Variants in OGDHL observed in about 807,000 individuals in gnomAD.
OGDHL encodes oxoglutarate dehydrogenase L.
Under a neutral mutation model 109.6 loss-of-function variants are expected in OGDHL, and 79 were observed. The ratio of observed to expected loss-of-function variants is 0.72; its 90% CI spans 0.60 to 0.87. The LOEUF is 0.87. Among genes scored for constraint, OGDHL ranks in the 40% least tolerant of loss-of-function variants. The probability of loss-of-function intolerance (pLI) is 0.00; values close to 1 mark genes in which losing one functional copy is unlikely to be tolerated. For missense variants in OGDHL, 1,275 were observed against 1,362.2 expected (o/e 0.94, Z 1.01); for synonymous variants, 528 against 537.2 (o/e 0.98, Z 0.24).
At chr10:49,741,410 GA>G (rs1841644007) in intron 15 of OGDHL, among the ~76,000 whole-genome samples, 2 of 152,088 alleles carry the variant, frequency 1.3e-5, no homozygotes. Flanking sequence ...GCTGGAGCAA[GA>G]CCAGCCGAGA....
intron 3 of OGDHL, among the ~76,000 whole-genome samples, chr10:49,753,909 A>AT (rs1251487146): frequency 6.6e-6 from 1 of 151,430 alleles, no homozygotes; most frequent in East Asian, 1.9e-4. Flanking sequence ...AAAAAAAAAA[A>AT]AAAGAACTGT....
intron 8 of OGDHL, among the ~76,000 whole-genome samples, chr10:49,748,270 T>C (rs551304262): frequency 1.0e-3 from 153 of 152,310 alleles, no homozygotes; most frequent in African/African-American, 3.6e-3. Context: ...CAGGAAACAA[T>C]GACAACTTGT....
rs1363127112 is a variant in OGDHL at position 49,752,706 on chromosome 10, A to AG, written c.409dup (p.Leu137ProfsTer21). On this transcript the variant is annotated frameshift_variant, in exon 4 of 23. Coordinates refer to ENST00000374103, the MANE Select transcript of OGDHL (RefSeq NM_018245.3). LOFTEE classifies it high-confidence loss of function. The stretch of plus-strand genomic sequence containing the variant: ...GTCCAGGTCTGCATCCAGAATGCCC[A>AG]GGGGGTCCAGCTGGGCCACATGGTG... The AG allele has an allele frequency of 1.2e-6, 2 of 1,614,040 alleles. No homozygotes were observed. The highest frequency in any genetic ancestry group is 1.7e-6 in the Non-Finnish European group (2 of 1,180,004).
intron 13 of OGDHL, 58 bp from the exon 14 acceptor site, chr10:49,744,180 G>A: frequency 6.3e-7 from 1 of 1,589,212 alleles, no homozygotes; most frequent in Non-Finnish European, 8.6e-7. Context: ...GATCCCCCTG[G>A]CCAGCCTGCC....
In OGDHL at chr10:49,745,337, T is replaced by TGCCC; in HGVS notation, c.1629+3_1629+6dup. The TGCCC allele has an allele frequency of 6.2e-7, 1 of 1,613,308 alleles. No individual in the cohort carries two copies. The highest frequency in any genetic ancestry group is 1.3e-5 in the African/African-American group (1 of 75,080). On this transcript the variant is annotated splice_region_variant and intron_variant, in intron 12 of 22. Coordinates refer to ENST00000374103, the MANE Select transcript of OGDHL (RefSeq NM_018245.3). ...GTCTTGGGCGCCCCTGCAGCCTGCC[T>TGCCC]GCCCACCTCAAACTCCTGCAGGGTG...
chr10:49,742,912 G>C lies in OGDHL; in HGVS notation c.1928C>G (p.Ala643Gly), dbSNP rs1841889738. 5 of 1,614,026 alleles carry C rather than the reference G, an allele frequency of 3.1e-6. No homozygotes were observed. The African/African-American group carries it at 6.7e-5, about 22-fold the overall frequency. Residue 643 changes from alanine to glycine, a missense_variant, in exon 15 of 23, where the codon GCA becomes GGA. Ala to Gly is a moderately conservative substitution (Grantham distance 60). Transcript: ENST00000374103. ...CAGGGAGCCAAAGGCCATGTACTCTGCCAACGCCCAGTCCACCGTCCGGTT... is the reference window on the plus strand; with the variant it reads ...CAGGGAGCCAAAGGCCATGTACTCTCCCAACGCCCAGTCCACCGTCCGGTT... Reference protein sequence around the residue: ...TKNRTVDWALAEYMAFGSLLK... With the variant: ...TKNRTVDWALGEYMAFGSLLK...
chr10:49,750,857 A>G lies in OGDHL; in HGVS notation c.878T>C (p.Ile293Thr). The change falls in exon 7 of 23, where the codon ATC (isoleucine) becomes ACC (threonine). Residue 293 changes from isoleucine (I) to threonine (T), a missense_variant. Transcript: ENST00000374103. ...GACCCACCTGTGTGGCATCCCCAAGATGACATTCTCAATCCCCATCTCGCT... is the reference window on the plus strand; with the variant it reads ...GACCCACCTGTGTGGCATCCCCAAGGTGACATTCTCAATCCCCATCTCGCT... Reference protein sequence around the residue: ...KSSEMGIENVILGMPHRGRLN... With the variant: ...KSSEMGIENVTLGMPHRGRLN... 1.2e-6 allele frequency: 2 copies of G among 1,611,400 alleles called. No homozygotes were observed. The highest frequency in any genetic ancestry group is 1.3e-5 in the African/African-American group (1 of 75,014).
In OGDHL at chr10:49,739,845, C is replaced by G. The variant is rs1055683515; in HGVS notation, c.2141-6G>C. On this transcript the variant is annotated splice_region_variant and splice_polypyrimidine_tract_variant and intron_variant, in intron 16 of 22. Coordinates refer to ENST00000374103, the MANE Select transcript of OGDHL (RefSeq NM_018245.3). ...GGCATAGCCCAGCTCAAAGCCTAAA[C>G]AGAAGACAAGATAGAGCTTGCTGCA... The G allele has an allele frequency of 2.5e-6, 4 of 1,610,944 alleles. No individual in the cohort carries two copies. The East Asian group carries it at 8.9e-5, about 36-fold the overall frequency.
intron 11 of OGDHL, 27 bp from the exon 12 acceptor site, chr10:49,745,523 GC>G: frequency 6.2e-7 from 1 of 1,612,540 alleles, no homozygotes; most frequent in Non-Finnish European, 8.5e-7. Flanking sequence ...AGGGGCTCAG[GC>G]CCTTCCCTAC....
intron 7 of OGDHL, among the ~76,000 whole-genome samples, 187 bp from the exon 8 acceptor site, chr10:49,750,003 T>C (rs1008816707): frequency 6.6e-6 from 1 of 152,176 alleles, no homozygotes; most frequent in Non-Finnish European, 1.5e-5. Context: ...AGCCCCATGC[T>C]TTCTTGCTGC....
chr10:49,743,570 G>T (rs12258731), intron 14 of OGDHL: 3,466 of 168,620 alleles, frequency 0.021, 111 homozygotes, highest in African/African-American at 0.067. Context: ...ACCCCGGAGT[G>T]GGGGGGCTGC....
chr10:49,749,782 T>C lies in OGDHL; in HGVS notation c.931A>G (p.Lys311Glu), dbSNP rs763304319. 2 of 1,601,200 alleles carry C rather than the reference T, an allele frequency of 1.2e-6. No individual in the cohort carries two copies. The highest frequency in any genetic ancestry group is 1.7e-6 in the Non-Finnish European group (2 of 1,177,158). The change falls in exon 8 of 23, where the codon AAG becomes GAG. Residue 311 changes from lysine (K) to glutamate (E), a missense_variant. By Grantham distance (56) the Lys-to-Glu change is moderately conservative. Transcript: ENST00000374103. The part of the protein sequence containing the change: ...RLNVLANVIR[K>E]DLEQIFCQFD... ...TGGCAGAAGATCTGCTCCAGGTCCT[T>C]GCGGATCACGTTGGCCAGCACGTTC...
chr10:49,755,652 T>A (rs1401716113), intron 3 of OGDHL, among the ~76,000 whole-genome samples: 1 of 152,108 alleles, frequency 6.6e-6, no homozygotes, highest in Non-Finnish European at 1.5e-5. Context: ...TGGGAGCTCA[T>A]CCACACCAGG....
chr10:49,739,973 T>G, intron 16 of OGDHL, 134 bp from the exon 17 acceptor site: 1 of 843,528 alleles, frequency 1.2e-6, no homozygotes, highest in Non-Finnish European at 1.8e-6. Context: ...AACCCAGGGA[T>G]TCCCTGGGAT....
rs200851604 is a variant in OGDHL, at chr10:49,739,745, G to A, written c.2235C>T (p.Ile745=). Residue 745 remains isoleucine (I), a synonymous_variant, in exon 17 of 23, where the codon ATC becomes ATT. Coordinates refer to ENST00000374103, the MANE Select transcript of OGDHL (RefSeq NM_018245.3). ...GDFHNTAQCI[I]DQFISTGQAK... is the part of the protein sequence containing the mutation. Reference sequence around the variant, plus strand: ...CCTGGCCGGTGCTGATGAACTGGTCGATGATGCACTGGGCCGTGTTGTGGA... The same window carrying A: ...CCTGGCCGGTGCTGATGAACTGGTCAATGATGCACTGGGCCGTGTTGTGGA... 8.1e-6 allele frequency: 13 copies of A among 1,614,036 alleles called. No individual in the cohort carries two copies. In the East Asian group the frequency reaches 1.3e-4, roughly 17 times the overall value.
chr10:49,745,286 C>G, intron 12 of OGDHL, 58 bp downstream of exon 12: 1 of 1,596,172 alleles, frequency 6.3e-7, no homozygotes, highest in Non-Finnish European at 8.5e-7. Flanking sequence ...TCTACAACCC[C>G]TCTCCAGGGT....
In OGDHL at chr10:49,735,991, G is replaced by C. The variant is rs770098912; in HGVS notation, c.2909+32C>G. On this transcript the variant is annotated intron_variant, in intron 22 of 22. Transcript: ENST00000374103. ...AGCCAGGACAGAGCCTCAGGGCCGA[G>C]GTGAGGGGCAATCAGCGGCCCCACC... 1.0e-5 allele frequency: 16 copies of C among 1,540,766 alleles called. No individual in the cohort carries two copies. In the African/African-American group the frequency reaches 1.8e-4, roughly 17 times the overall value.
At chr10:49,736,199 A>G in intron 21 of OGDHL, 22 bp from the exon 22 acceptor site, 1 of 1,574,598 alleles carries the variant, frequency 6.4e-7, no homozygotes, top group Non-Finnish European at 8.6e-7. Context: ...GAAACAAAGG[A>G]GCATAGCCAG....
Position 49,743,069 on chromosome 10 carries a change from G to C in OGDHL, c.1862-91C>G. On this transcript the variant is annotated intron_variant, in intron 14 of 22. Transcript: ENST00000374103. ...CTCAGCACACACCCCGCACAAAGCA[G>C]GGCAGCCATCTGTTGATTTGGTTGG... 5 of 1,470,396 alleles carry C rather than the reference G, an allele frequency of 3.4e-6. No individual in the cohort carries two copies. The South Asian group carries it at 6.6e-5, about 19-fold the overall frequency. The allele number at this position is 1,470,396 out of a possible 1,614,324, so 91.1% of individuals were successfully genotyped here. A position where few individuals can be genotyped will look rare whatever the true frequency, so the allele number is the denominator to read the frequency against.
Sources: gnomAD v4.1 joint callset for allele counts (sites outside exome capture counted in the v4.1 genomes callset) on GRCh38, gnomAD v4.1.1 for gene constraint, MANE v1.5 for transcripts, NCBI Gene and HGNC (gene_info 2026-07-23, HGNC 2026-07-21) for gene names.